The following CFAP210 variants were observed in gnomAD, a reference collection of about 807,000 sequenced individuals.
CFAP210 encodes cilia- and flagella- associated protein 210.
At chr2:169,681,611 T>G in the CFAP210 span, among the ~76,000 whole-genome samples, 4 of 152,152 alleles carry the variant, frequency 2.6e-5, no homozygotes, top group Non-Finnish European at 5.9e-5. Flanking sequence ...TGTGGGTGGG[T>G]GTTCATCTTT....
At chr2:169,683,943 A>T in the CFAP210 span, among the ~76,000 whole-genome samples, 1 of 152,204 alleles carries the variant, frequency 6.6e-6, no homozygotes, top group Non-Finnish European at 1.5e-5. Context: ...CAAGTTCCCC[A>T]TATCTTTGGA....
the CFAP210 span, among the ~76,000 whole-genome samples, chr2:169,653,462 A>G: frequency 6.6e-6 from 1 of 152,074 alleles, no homozygotes; most frequent in Non-Finnish European, 1.5e-5. Flanking sequence ...AGGATTTTGC[A>G]CAAGGGGAAA....
the CFAP210 span, among the ~76,000 whole-genome samples, chr2:169,676,889 A>C: frequency 1.3e-5 from 2 of 152,334 alleles, no homozygotes; most frequent in South Asian, 4.1e-4. Context: ...CCTGCCTCTC[A>C]GTGCCTCAAA....
chr2:169,659,362 A>G, the CFAP210 span: 1 of 154,274 alleles, frequency 6.5e-6, no homozygotes, highest in East Asian at 1.9e-4. Context: ...ATAGGCTCAA[A>G]GTTCCACAGG....
the CFAP210 span, chr2:169,662,462 G>C: frequency 1.3e-6 from 2 of 1,543,686 alleles, no homozygotes; most frequent in Admixed American, 4.4e-5. Context: ...AATTATAATT[G>C]AGAACAAAGC....
At chr2:169,680,152 A>G in the CFAP210 span, among the ~76,000 whole-genome samples, 1 of 152,218 alleles carries the variant, frequency 6.6e-6, no homozygotes, top group South Asian at 2.1e-4. Flanking sequence ...AAGTTCAGGA[A>G]GAGATATTCA....
At chr2:169,671,500 C>T in the CFAP210 span, among the ~76,000 whole-genome samples, 2 of 152,294 alleles carry the variant, frequency 1.3e-5, no homozygotes, top group South Asian at 4.2e-4. Context: ...TGGAGTGTCG[C>T]TCTTGTTGCC....
the CFAP210 span, among the ~76,000 whole-genome samples, chr2:169,663,287 T>C: frequency 6.8e-6 from 1 of 146,986 alleles, no homozygotes; most frequent in Non-Finnish European, 1.5e-5. Flanking sequence ...TTTTTTTTTT[T>C]CCTGAAAAGG....
At chr2:169,675,016 CT>C in the CFAP210 span, 1 of 1,520,834 alleles carries the variant, frequency 6.6e-7, no homozygotes, top group Non-Finnish European at 8.8e-7. Context: ...TTCTTTTTGG[CT>C]TCAAGTTTCT....
chr2:169,670,873 G>A, the CFAP210 span, among the ~76,000 whole-genome samples: 1 of 152,182 alleles, frequency 6.6e-6, no homozygotes, highest in South Asian at 2.1e-4. Flanking sequence ...CCACACTTAA[G>A]AGGGAGATAA....
chr2:169,648,542 G>C, the CFAP210 span, among the ~76,000 whole-genome samples: 30 of 152,218 alleles, frequency 2.0e-4, 2 homozygotes, highest in South Asian at 5.0e-3. Context: ...CTCTTAAATA[G>C]ACACTTCACA....
the CFAP210 span, chr2:169,674,714 C>A: frequency 1.2e-6 from 2 of 1,606,566 alleles, no homozygotes; most frequent in African/African-American, 1.3e-5. Flanking sequence ...CTTACTCTTT[C>A]GGAATTCAAT....
the CFAP210 span, among the ~76,000 whole-genome samples, chr2:169,652,106 A>C: frequency 7.7e-3 from 1,175 of 152,314 alleles, 12 homozygotes; most frequent in Middle Eastern, 0.031. Context: ...AATTGCATAA[A>C]AAATAATTTT....
the CFAP210 span, chr2:169,680,937 A>G: frequency 7.8e-7 from 1 of 1,277,516 alleles, no homozygotes; most frequent in Non-Finnish European, 1.1e-6. Context: ...TTATAAAAAG[A>G]AGCATAAGAG....
chr2:169,646,867 A>C, the CFAP210 span, among the ~76,000 whole-genome samples: 4 of 152,114 alleles, frequency 2.6e-5, no homozygotes, highest in South Asian at 8.3e-4. Flanking sequence ...GCAACTTCTC[A>C]TTTTGTATTC....
chr2:169,673,122 C>T, the CFAP210 span, among the ~76,000 whole-genome samples: 32 of 152,152 alleles, frequency 2.1e-4, no homozygotes, highest in Non-Finnish European at 2.5e-4. Context: ...TGAACATTTC[C>T]GAGACTGCAC....
chr2:169,693,178 A>T, the CFAP210 span, among the ~76,000 whole-genome samples: 1 of 152,250 alleles, frequency 6.6e-6, no homozygotes, highest in Non-Finnish European at 1.5e-5. Flanking sequence ...ATAGCTGCAC[A>T]CATCTCTGAA....
chr2:169,662,547 T>C, the CFAP210 span: 3 of 924,250 alleles, frequency 3.2e-6, no homozygotes, highest in Admixed American at 3.4e-5. Flanking sequence ...AGGAAAAATC[T>C]GTGAATTTCT....
the CFAP210 span, among the ~76,000 whole-genome samples, chr2:169,663,746 C>G: frequency 6.6e-6 from 1 of 151,256 alleles, no homozygotes; most frequent in African/African-American, 2.4e-5. Flanking sequence ...AGAAAAAGAT[C>G]ACTGTTGGCC....
Sources: allele counts gnomAD v4.1 joint callset (sites outside exome capture counted in the v4.1 genomes callset), GRCh38; gene constraint gnomAD v4.1.1; transcripts MANE v1.5; gene names NCBI Gene and HGNC (gene_info 2026-07-23, HGNC 2026-07-21).